Variants in GOT2 observed in about 807,000 individuals in gnomAD.
GOT2 encodes the protein glutamic-oxaloacetic transaminase 2.
A neutral mutation model predicts 50.0 loss-of-function variants in GOT2; 17 were observed. The ratio of observed to expected loss-of-function variants is 0.34; its 90% CI spans 0.23 to 0.51. GOT2 has a LOEUF of 0.51. Ranked by LOEUF, GOT2 falls within the 20% of genes least tolerant of loss-of-function variation. The probability of loss-of-function intolerance (pLI) is 0.97; values close to 1 mark genes in which losing one functional copy is unlikely to be tolerated. For synonymous variants in GOT2, 172 were observed against 204.9 expected, an observed-to-expected ratio of 0.84 and a Z score of 1.37; for missense variants, 430 against 559.6, an observed-to-expected ratio of 0.77 and a Z score of 2.34.
chr16:58,726,877 G>A (rs2044789917), intron 1 of GOT2, among the ~76,000 whole-genome samples: 1 of 151,754 alleles, frequency 6.6e-6, no homozygotes, highest in South Asian at 2.1e-4. Flanking sequence ...ATCTCGGCCG[G>A]GTGCAGTGGC....
chr16:58,728,441 T>C (rs1002718947), intron 1 of GOT2, among the ~76,000 whole-genome samples: 11 of 152,342 alleles, frequency 7.2e-5, no homozygotes, highest in Middle Eastern at 3.4e-3. Flanking sequence ...CTAATAGTCA[T>C]CGTTACTAAA....
intron 3 of GOT2, among the ~76,000 whole-genome samples, chr16:58,721,422 C>T (rs897901585): frequency 1.3e-5 from 2 of 152,184 alleles, no homozygotes; most frequent in Non-Finnish European, 2.9e-5. Flanking sequence ...GTCCAGCCCC[C>T]ACAGTCCACC....
intron 9 of GOT2, among the ~76,000 whole-genome samples, chr16:58,708,889 T>C (rs1484204083): frequency 6.6e-6 from 1 of 151,338 alleles, no homozygotes; most frequent in East Asian, 1.9e-4. Flanking sequence ...AGTATTACAA[T>C]ACTTTTACCT....
At chr16:58,730,310 T>G (rs2044824340) in intron 1 of GOT2, among the ~76,000 whole-genome samples, 1 of 152,086 alleles carries the variant, frequency 6.6e-6, no homozygotes, top group South Asian at 2.1e-4. Flanking sequence ...TGACAGTTAT[T>G]TTTTCTGATT....
rs866555564 is a variant in GOT2 at position 58,716,772 on chromosome 16, G to A, written c.744C>T (p.Gly248=). The stretch of plus-strand genomic sequence containing the variant: ...CCTTATCACCATCACCACTGGCAAA[G>A]CCTTGGTAGGCCATGTCAAAGAACG... The part of the protein sequence containing the change: ...LFAFFDMAYQ[G]FASGDGDKDA... The change falls in exon 7 of 10, where the codon GGC becomes GGT. Residue 248 remains glycine, a synonymous_variant. Transcript: ENST00000245206. 1.9e-6 allele frequency: 3 copies of A among 1,613,802 alleles called. No individual in the cohort carries two copies. Among genetic ancestry groups the A allele is most frequent in the Non-Finnish European group, 2.5e-6 (3 of 1,179,656 alleles).
At chr16:58,727,365 AG>A (rs1006708322) in intron 1 of GOT2, among the ~76,000 whole-genome samples, 5 of 119,850 alleles carry the variant, frequency 4.2e-5, no homozygotes, top group African/African-American at 1.1e-4. Flanking sequence ...ACAATATAAA[AG>A]GTTTTTTTTT....
intron 8 of GOT2, among the ~76,000 whole-genome samples, chr16:58,712,822 A>G (rs1425869435): frequency 2.0e-5 from 3 of 152,166 alleles, no homozygotes; most frequent in Non-Finnish European, 4.4e-5. Context: ...ACAGATAACA[A>G]TGGGTGGCTG....
chr16:58,714,366 C>G (rs7196291), intron 8 of GOT2, among the ~76,000 whole-genome samples: 4,147 of 152,074 alleles, frequency 0.027, 178 homozygotes, highest in African/African-American at 0.095. Context: ...GCCTGGCCAA[C>G]ATGGCGAAAC....
intron 1 of GOT2, 95 bp downstream of exon 1, chr16:58,734,045 A>C: frequency 1.8e-6 from 1 of 567,210 alleles, no homozygotes; most frequent in Non-Finnish European, 2.7e-6. Flanking sequence ...GACAGTGTGT[A>C]TTTGGGGGCC....
rs2044860241 is a variant in GOT2 at position 58,734,229 on chromosome 16, G to A, written c.-1C>T. On this transcript the variant is annotated 5_prime_UTR_variant, in exon 1 of 10. Coordinates refer to ENST00000245206, the MANE Select transcript of GOT2 (RefSeq NM_002080.4). Reference sequence around the variant, plus strand: ...CGCGGCCGGAGTGCAGCAGGGCCATGGTGGACCGTAGGAGGGCAGTGGGCA... The same window carrying A: ...CGCGGCCGGAGTGCAGCAGGGCCATAGTGGACCGTAGGAGGGCAGTGGGCA... 1.5e-6 allele frequency: 2 copies of A among 1,323,404 alleles called. No individual in the cohort carries two copies. Among genetic ancestry groups the A allele is most frequent in the Non-Finnish European group, 1.9e-6 (2 of 1,030,950 alleles). The allele number at this position is 1,323,404 out of a possible 1,614,324, so 82.0% of individuals were successfully genotyped here.
intron 5 of GOT2, 103 bp from the exon 6 acceptor site, chr16:58,718,403 C>G (rs2044712111): frequency 3.0e-6 from 4 of 1,341,676 alleles, no homozygotes; most frequent in Non-Finnish European, 2.1e-6. Flanking sequence ...CAAAGGTAAC[C>G]AGAACCCTGG....
intron 1 of GOT2, among the ~76,000 whole-genome samples, chr16:58,727,681 A>G (rs1025485892): frequency 2.0e-5 from 3 of 152,200 alleles, no homozygotes; most frequent in Non-Finnish European, 2.9e-5. Flanking sequence ...AGGACGTAAT[A>G]GCTTGGAGAA....
At chr16:58,731,234 G>C (rs56033864) in intron 1 of GOT2, among the ~76,000 whole-genome samples, 18 of 151,984 alleles carry the variant, frequency 1.2e-4, no homozygotes, top group African/African-American at 4.3e-4. Flanking sequence ...CCTCTCAAGC[G>C]ATCAGGCTCG....
At chr16:58,709,662 A>C in intron 8 of GOT2, 95 bp from the exon 9 acceptor site, 1 of 993,822 alleles carries the variant, frequency 1.0e-6, no homozygotes, top group Non-Finnish European at 1.5e-6. Flanking sequence ...GCAGTCCCCT[A>C]GTGTGCCTCA....
intron 1 of GOT2, among the ~76,000 whole-genome samples, chr16:58,724,540 CATTATT>C (rs200639898): frequency 3.9e-5 from 6 of 151,940 alleles, no homozygotes; most frequent in African/African-American, 1.5e-4. Flanking sequence ...CATACTGATA[CATTATT>C]ATTATTATTT....
intron 1 of GOT2, among the ~76,000 whole-genome samples, chr16:58,725,183 T>C (rs1032464764): frequency 6.6e-6 from 1 of 151,810 alleles, no homozygotes; most frequent in Non-Finnish European, 1.5e-5. Flanking sequence ...GGCGTGATCT[T>C]GGCTCACTGC....
intron 2 of GOT2, among the ~76,000 whole-genome samples, chr16:58,722,619 C>T (rs2044751317): frequency 1.3e-5 from 2 of 152,128 alleles, no homozygotes; most frequent in African/African-American, 2.4e-5. Flanking sequence ...ATCCACCTGC[C>T]TCGGCCTCCT....
intron 8 of GOT2, among the ~76,000 whole-genome samples, chr16:58,710,480 C>A (rs548439004): frequency 7.9e-5 from 12 of 151,796 alleles, no homozygotes; most frequent in African/African-American, 2.7e-4. Context: ...GATTCTCCCA[C>A]CTTGGCCTCC....
chr16:58,724,690 G>A (rs573939776), intron 1 of GOT2, among the ~76,000 whole-genome samples: 3 of 152,106 alleles, frequency 2.0e-5, no homozygotes, highest in Middle Eastern at 3.4e-3. Context: ...ACAGATGACC[G>A]CCACCATACC....
Sources: allele counts gnomAD v4.1 joint callset (sites outside exome capture counted in the v4.1 genomes callset), GRCh38; gene constraint gnomAD v4.1.1; transcripts MANE v1.5; gene names NCBI Gene and HGNC (gene_info 2026-07-23, HGNC 2026-07-21).